OSBPL2: variants seen among roughly 807,000 people sequenced by gnomAD.
OSBPL2 encodes the protein oxysterol-binding protein-related protein 2.
Under a neutral mutation model 58.4 loss-of-function variants are expected in OSBPL2, and 18 were observed. That is an observed-to-expected ratio of 0.31 (90% confidence interval 0.21 to 0.46). The LOEUF (loss-of-function observed/expected upper bound fraction) is 0.46. Ranked by LOEUF, OSBPL2 falls within the 20% of genes least tolerant of loss-of-function variation. The pLI is 1.00. For synonymous variants in OSBPL2, 221 were observed against 234.1 expected (o/e 0.94, Z 0.51); for missense variants, 461 against 616.5 (o/e 0.75, Z 2.67).
intron 2 of OSBPL2, among the ~76,000 whole-genome samples, chr20:62,257,977 A>C (rs1981043186): frequency 1.3e-5 from 2 of 152,128 alleles, no homozygotes; most frequent in South Asian, 2.1e-4. Flanking sequence ...GGCCTCCCAA[A>C]GTGCTGGGAT....
chr20:62,239,140 G>A, intron 1 of OSBPL2: 1 of 152,342 alleles, frequency 6.6e-6, no homozygotes. Context: ...TTCTTGTCCC[G>A]CAGGCCTGTG....
chr20:62,247,791 A>G (rs1420534932), intron 1 of OSBPL2, among the ~76,000 whole-genome samples: 2 of 151,026 alleles, frequency 1.3e-5, no homozygotes, highest in Non-Finnish European at 2.9e-5. Flanking sequence ...CAGCCTCCCT[A>G]GTAGCTGGGA....
At position 62,294,472 on chromosome 20, in the gene OSBPL2, T is replaced by C. The variant is rs963670256; in HGVS notation, c.*585T>C. The stretch of plus-strand genomic sequence containing the variant: ...AATCTTCAATAATGTAAAGATTACT[T>C]TTAAAATATTTAAGTTAAAACTACT... On this transcript the variant is annotated 3_prime_UTR_variant, in exon 14 of 14. Coordinates refer to ENST00000313733, the MANE Select transcript of OSBPL2 (RefSeq NM_144498.4). 2 of 152,858 alleles carry C rather than the reference T, an allele frequency of 1.3e-5. No individual in the cohort carries two copies. The highest frequency in any genetic ancestry group is 4.8e-5 in the African/African-American group (2 of 41,428). The allele number at this position is 152,858 out of a possible 1,614,324, so 9.5% of individuals were successfully genotyped here. A position where few individuals can be genotyped will look rare whatever the true frequency, so the allele number is the denominator to read the frequency against.
chr20:62,279,368 C>T (rs552239245), intron 7 of OSBPL2, 29 bp downstream of exon 7: 7 of 1,603,858 alleles, frequency 4.4e-6, no homozygotes, highest in Admixed American at 3.4e-5. Context: ...TGCTGAGATC[C>T]GCTTCCTGCA....
At chr20:62,281,767 A>G (rs772549601) in intron 8 of OSBPL2, 23 bp from the exon 9 acceptor site, 3 of 1,561,044 alleles carry the variant, frequency 1.9e-6, no homozygotes, top group Admixed American at 1.7e-5. Context: ...TGCAGCAGAA[A>G]CCTGTGTTTG....
intron 4 of OSBPL2, 135 bp downstream of exon 4, chr20:62,263,826 G>A: frequency 1.4e-6 from 1 of 733,566 alleles, no homozygotes; most frequent in Non-Finnish European, 2.4e-6. Flanking sequence ...AGCACTTTGG[G>A]AGGCCGAGGT....
chr20:62,250,971 A>G (rs1980485515), intron 1 of OSBPL2, among the ~76,000 whole-genome samples: 2 of 152,132 alleles, frequency 1.3e-5, no homozygotes, highest in African/African-American at 4.8e-5. Flanking sequence ...AAGGGAGAAT[A>G]AAATGGTTTC....
rs1298349218 is a variant in OSBPL2 at position 62,281,099 on chromosome 20, T to TC, written c.718dup (p.His240ProfsTer26). On this transcript the variant is annotated frameshift_variant, in exon 8 of 14. Transcript: ENST00000313733. LOFTEE classifies it high-confidence loss of function. ...ACCTGGACCAACCCCACCTGCTGCG[T>TC]CCACAACGTCATCATCGGGAAGCTG... The TC allele has an allele frequency of 6.2e-7, 1 of 1,614,186 alleles. No individual in the cohort carries two copies. The highest frequency in any genetic ancestry group is 8.5e-7 in the Non-Finnish European group (1 of 1,180,018).
chr20:62,263,698 C>G lies in OSBPL2; in HGVS notation c.258+7C>G. On this transcript the variant is annotated splice_region_variant and intron_variant, in intron 4 of 13. Coordinates refer to ENST00000313733, the MANE Select transcript of OSBPL2 (RefSeq NM_144498.4). ...GAAGAAGTGTGTTGGCCTGGTGAGT[C>G]CGGGGGCCCGTGTTCACACATGGGG... The G allele has an allele frequency of 6.2e-7, 1 of 1,612,812 alleles. No homozygotes were observed. The highest frequency in any genetic ancestry group is 8.5e-7 in the Non-Finnish European group (1 of 1,178,856).
chr20:62,246,365 G>A (rs2145914462), intron 1 of OSBPL2, among the ~76,000 whole-genome samples: 1 of 152,376 alleles, frequency 6.6e-6, no homozygotes, highest in South Asian at 2.1e-4. Context: ...GACGACACTG[G>A]ACAGATGACA....
At position 62,241,473 on chromosome 20, in the gene OSBPL2, C is replaced by A. The variant is rs116467953; in HGVS notation, c.-129+2876C>A. ...GGGAATTGTTGACACATTTTAGGTTCTTATGCTGTCTTCAAGCAGGGAAGC... is the reference window on the plus strand; with the variant it reads ...GGGAATTGTTGACACATTTTAGGTTATTATGCTGTCTTCAAGCAGGGAAGC... On this transcript the variant is annotated intron_variant, in intron 1 of 13. Transcript: ENST00000313733. Among the ~76,000 whole-genome samples, 327 of 152,370 alleles carry A rather than the reference C, an allele frequency of 2.1e-3. 2 individuals carry two copies. The highest frequency in any genetic ancestry group is 6.8e-3 in the African/African-American group (283 of 41,586).
At position 62,284,293 on chromosome 20, in the gene OSBPL2, A is replaced by G. The variant is rs1166799870; in HGVS notation, c.996+124A>G. The G allele has an allele frequency of 2.8e-6, 3 of 1,074,914 alleles. No individual in the cohort carries two copies. In the East Asian group the frequency reaches 7.4e-5, roughly 27 times the overall value. 66.6% of individuals were successfully genotyped at this position (1,074,914 alleles called of 1,614,324 possible). On this transcript the variant is annotated intron_variant, in intron 10 of 13. Transcript: ENST00000313733. ...CTTTGGGCCCCACCAGGAGAGATGA[A>G]TGTGCAGAATTTGTCTGTCCAGATG...
At chr20:62,283,619 A>T (rs911397412) in intron 9 of OSBPL2, among the ~76,000 whole-genome samples, 1 of 152,150 alleles carries the variant, frequency 6.6e-6, no homozygotes, top group Non-Finnish European at 1.5e-5. Flanking sequence ...CACACACAAC[A>T]CATTGAGTGT....
intron 3 of OSBPL2, among the ~76,000 whole-genome samples, chr20:62,261,034 C>G (rs552142082): frequency 4.3e-4 from 65 of 150,766 alleles, no homozygotes; most frequent in Non-Finnish European, 8.3e-4. Flanking sequence ...GATAGAAGCA[C>G]GAGCCAGGCG....
intron 8 of OSBPL2, 143 bp downstream of exon 8, chr20:62,281,308 A>T (rs777511028): frequency 1.6e-4 from 100 of 625,098 alleles, no homozygotes; most frequent in Non-Finnish European, 2.4e-4. Context: ...CAGGCATAGC[A>T]GCTGCCTAGA....
chr20:62,288,303 C>T lies in OSBPL2; in HGVS notation c.1126-904C>T, dbSNP rs542189229. Among the ~76,000 whole-genome samples, 1 of 152,152 alleles carries T rather than the reference C, an allele frequency of 6.6e-6. No individual in the cohort carries two copies. The highest frequency in any genetic ancestry group is 2.4e-5 in the African/African-American group (1 of 41,420). On this transcript the variant is annotated intron_variant, in intron 11 of 13. Coordinates refer to ENST00000313733, the MANE Select transcript of OSBPL2 (RefSeq NM_144498.4). This position sits in a 1 kb window ranked among gnomAD's most constrained non-coding sequence, Gnocchi z 4.8. ...GAGGGCAGCAACAGAAGAGGGAGGACACGGGTGGTGGCTGGAGGGCCTGGC... is the reference window on the plus strand; with the variant it reads ...GAGGGCAGCAACAGAAGAGGGAGGATACGGGTGGTGGCTGGAGGGCCTGGC...
In OSBPL2 at chr20:62,286,601, G is replaced by T. The variant is rs978799339; in HGVS notation, c.1015G>T (p.Ala339Ser). ...KAKLDEDSGK[A>S]DSDVADDVPV... Reference sequence around the variant, plus strand: ...GTTTCAGGATGAAGACTCCGGGAAGGCTGACAGCGACGTGGCTGACGACGT... The same window carrying T: ...GTTTCAGGATGAAGACTCCGGGAAGTCTGACAGCGACGTGGCTGACGACGT... Residue 339 changes from alanine (A) to serine (S), a missense_variant, in exon 11 of 14, where the codon GCT becomes TCT. Transcript: ENST00000313733. 16 of 1,613,364 alleles carry T rather than the reference G, an allele frequency of 9.9e-6. No individual in the cohort carries two copies. Among genetic ancestry groups the T allele is most frequent in the Non-Finnish European group, 1.4e-5 (16 of 1,179,670 alleles).
At chr20:62,254,108 T>C (rs1980760619) in intron 1 of OSBPL2, among the ~76,000 whole-genome samples, 2 of 152,190 alleles carry the variant, frequency 1.3e-5, no homozygotes, top group Admixed American at 1.3e-4. Context: ...GACTCACCCT[T>C]TTATAACAGA....
chr20:62,264,291 G>T (rs958677151), intron 4 of OSBPL2, among the ~76,000 whole-genome samples: 4 of 152,168 alleles, frequency 2.6e-5, no homozygotes, highest in Non-Finnish European at 5.9e-5. Flanking sequence ...TGCAGGAGGG[G>T]TGTCAGCCTT....
Sources: allele counts gnomAD v4.1 joint callset (sites outside exome capture counted in the v4.1 genomes callset), GRCh38; gene constraint gnomAD v4.1.1; non-coding constraint Gnocchi (gnomAD v3.1); transcripts MANE v1.5; gene names NCBI Gene and HGNC (gene_info 2026-07-23, HGNC 2026-07-21).